CALD1: variants seen among roughly 807,000 people sequenced by gnomAD.
CALD1 encodes the protein caldesmon 1, also known as caldesmon.
In CALD1, 33 loss-of-function variants were observed where a neutral mutation model predicts 99.9. That is an observed-to-expected ratio of 0.33 (90% CI 0.25 to 0.44). CALD1 has a LOEUF of 0.44. Ranked by LOEUF, CALD1 falls within the 20% of genes least tolerant of loss-of-function variation. The probability of loss-of-function intolerance (pLI) is 1.00; values close to 1 mark genes in which losing one functional copy is unlikely to be tolerated. For missense variants in CALD1, 861 were observed against 962.1 expected (o/e 0.89, Z 1.39); for synonymous variants, 310 against 325.0 (o/e 0.95, Z 0.50).
chr7:134,896,840 A>G (rs902772668), intron 3 of CALD1, among the ~76,000 whole-genome samples: 1 of 152,190 alleles, frequency 6.6e-6, no homozygotes, highest in African/African-American at 2.4e-5. Flanking sequence ...TCTGGAGGCG[A>G]ACTTACCCCT....
At chr7:134,730,066 G>A in the CALD1 span, among the ~76,000 whole-genome samples, 1 of 152,106 alleles carries the variant, frequency 6.6e-6, no homozygotes, top group African/African-American at 2.4e-5. Context: ...GCTGCTGCCT[G>A]GGGAATGTCT....
intron 13 of CALD1, chr7:134,962,529 C>A: frequency 4.0e-6 from 1 of 251,850 alleles, no homozygotes; most frequent in South Asian, 5.0e-5. Flanking sequence ...ATCCTTCTTC[C>A]CATTAGATTT....
At chr7:134,738,877 G>A in the CALD1 span, among the ~76,000 whole-genome samples, 1 of 152,180 alleles carries the variant, frequency 6.6e-6, no homozygotes, top group Non-Finnish European at 1.5e-5. Flanking sequence ...AGAGCCCTGG[G>A]CAGACTTAAT....
intron 3 of CALD1, among the ~76,000 whole-genome samples, chr7:134,871,711 TA>T (rs1259695083): frequency 6.6e-6 from 1 of 152,204 alleles, no homozygotes; most frequent in Non-Finnish European, 1.5e-5. Context: ...TCCTTACCCA[TA>T]AAAGCTTTTC....
chr7:134,831,525 T>C (rs1444426041), intron 1 of CALD1, among the ~76,000 whole-genome samples: 2 of 152,134 alleles, frequency 1.3e-5, no homozygotes, highest in Admixed American at 6.5e-5. Context: ...TTCACCATCT[T>C]GGCCAGGCTG....
At chr7:134,724,407 C>G in the CALD1 span, among the ~76,000 whole-genome samples, 1 of 152,132 alleles carries the variant, frequency 6.6e-6, no homozygotes, top group African/African-American at 2.4e-5. Context: ...GGGAGAGCGC[C>G]TGGGGTTGTA....
At chr7:134,846,164 G>A (rs3778850) in intron 2 of CALD1, among the ~76,000 whole-genome samples, 63,083 of 152,086 alleles carry the variant, frequency 0.41, 15,644 homozygotes, top group African/African-American at 0.7. Flanking sequence ...AATCCTTAAT[G>A]ACCAAAGAGA....
chr7:134,759,162 C>A (rs1164304328), intron 1 of CALD1, among the ~76,000 whole-genome samples: 2 of 152,204 alleles, frequency 1.3e-5, no homozygotes, highest in East Asian at 3.8e-4. Context: ...GCAATGCCCT[C>A]TAGCAAACTA....
chr7:134,869,784 C>G (rs980049852), intron 3 of CALD1, among the ~76,000 whole-genome samples: 1 of 152,070 alleles, frequency 6.6e-6, no homozygotes, highest in African/African-American at 2.4e-5. Flanking sequence ...TTTGGGCAGA[C>G]ACAGTATGGT....
the CALD1 span, among the ~76,000 whole-genome samples, chr7:134,716,243 A>C: frequency 6.6e-6 from 1 of 152,212 alleles, no homozygotes; most frequent in African/African-American, 2.4e-5. Context: ...ATGTACCATC[A>C]GGGGTAGTTT....
Position 134,944,231 on chromosome 7 carries a change from G to A in CALD1, c.1532+2994G>A, listed in dbSNP as rs144710450. On this transcript the variant is annotated intron_variant, in intron 7 of 14. Coordinates refer to ENST00000361675, the MANE Select transcript of CALD1 (RefSeq NM_033138.4). ...CAAAATAAAAGTTTACCTGTAACTGGCATGAGCCTAGACCAATAGTTCTAA... is the reference window on the plus strand; with the variant it reads ...CAAAATAAAAGTTTACCTGTAACTGACATGAGCCTAGACCAATAGTTCTAA... Among the ~76,000 whole-genome samples, 413 of 152,218 alleles carry A rather than the reference G, an allele frequency of 2.7e-3. 5 individuals carry two copies. The highest frequency in any genetic ancestry group is 9.5e-3 in the African/African-American group (395 of 41,538).
chr7:134,907,840 G>A (rs1364816323), intron 3 of CALD1, among the ~76,000 whole-genome samples: 3 of 152,096 alleles, frequency 2.0e-5, no homozygotes, highest in Non-Finnish European at 4.4e-5. Context: ...TCTGGCCGCT[G>A]CCAGTGTCCT....
At chr7:134,959,669 C>CA (rs961395760) in intron 11 of CALD1, among the ~76,000 whole-genome samples, 175 of 147,620 alleles carry the variant, frequency 1.2e-3, no homozygotes, top group African/African-American at 4.0e-3. Flanking sequence ...GACCCTGTCT[C>CA]AAAAAAAAAC....
At chr7:134,837,433 C>T (rs1000501717) in intron 1 of CALD1, among the ~76,000 whole-genome samples, 1 of 151,990 alleles carries the variant, frequency 6.6e-6, no homozygotes, top group Non-Finnish European at 1.5e-5. Context: ...ACCTCCATCT[C>T]CTGGGTTCAT....
At chr7:134,787,666 G>T (rs967206183) in intron 1 of CALD1, among the ~76,000 whole-genome samples, 7 of 152,116 alleles carry the variant, frequency 4.6e-5, no homozygotes, top group African/African-American at 7.2e-5. Context: ...GGGATAATTT[G>T]CTTTTGCAGA....
At position 134,949,789 on chromosome 7, in the gene CALD1, A is replaced by C. The variant is rs974494539; in HGVS notation, c.1795-585A>C. On this transcript the variant is annotated intron_variant, in intron 8 of 14. Transcript: ENST00000361675. Reference sequence around the variant, plus strand: ...GTATCATCCTATGGGAAATCATCATAATGAGTGTTAGTCTAAGCCAGGGGT... The same window carrying C: ...GTATCATCCTATGGGAAATCATCATCATGAGTGTTAGTCTAAGCCAGGGGT... Among the ~76,000 whole-genome samples the C allele has an allele frequency of 3.9e-5, 6 of 152,092 alleles. No homozygotes were observed. In the East Asian group the frequency reaches 9.6e-4, roughly 24 times the overall value.
At chr7:134,866,427 G>A (rs1028520100) in intron 2 of CALD1, among the ~76,000 whole-genome samples, 1 of 152,112 alleles carries the variant, frequency 6.6e-6, no homozygotes, top group Non-Finnish European at 1.5e-5. Flanking sequence ...TAATACCCTA[G>A]AGGATAAAAA....
At chr7:134,960,358 G>A (rs1563135744) in intron 12 of CALD1, 175 bp from the exon 13 acceptor site, 1 of 646,730 alleles carries the variant, frequency 1.5e-6, no homozygotes, top group East Asian at 2.7e-5. Flanking sequence ...TGGAGTTGGA[G>A]TGGGGTGAGT....
rs1019083844 is a variant in CALD1 at position 134,783,735 on chromosome 7, G to A, written c.-130+3986G>A. ...TTGACAGGTAAGAGACCTTTGAGCTGGGGCATGTAAGATGGGGAGTGGGGT... is the reference window on the plus strand; with the variant it reads ...TTGACAGGTAAGAGACCTTTGAGCTAGGGCATGTAAGATGGGGAGTGGGGT... On this transcript the variant is annotated intron_variant, in intron 1 of 14. Transcript: ENST00000361675. This position sits in a 1 kb window ranked among gnomAD's most constrained non-coding sequence, Gnocchi z 4.3. Among the ~76,000 whole-genome samples, 3 of 152,146 alleles carry A rather than the reference G, an allele frequency of 2.0e-5. No individual in the cohort carries two copies. Among genetic ancestry groups the A allele is most frequent in the Non-Finnish European group, 4.4e-5 (3 of 68,026 alleles).
Sources: gnomAD v4.1 joint callset for allele counts (sites outside exome capture counted in the v4.1 genomes callset) on GRCh38, gnomAD v4.1.1 for gene constraint, Gnocchi (gnomAD v3.1) non-coding constraint, MANE v1.5 for transcripts, NCBI Gene and HGNC (gene_info 2026-07-23, HGNC 2026-07-21) for gene names.